The following FSTL5 variants were observed in gnomAD, a reference collection of about 807,000 sequenced individuals.
FSTL5 encodes the protein follistatin like 5.
FSTL5 carries 62 observed loss-of-function variants against 89.1 expected under a neutral mutation model. The observed-to-expected ratio is 0.70, with a 90% confidence interval of 0.57 to 0.86. FSTL5 has a LOEUF of 0.86. FSTL5 is among the 40% of genes least tolerant of loss of function. FSTL5 has a pLI of 0.00. For missense variants in FSTL5, 1,057 were observed against 1,001.6 expected (o/e 1.06, Z -0.75); for synonymous variants, 383 against 346.2 (o/e 1.11, Z -1.18).
At chr4:162,070,630 T>C (rs911599416) in intron 2 of FSTL5, among the ~76,000 whole-genome samples, 3 of 151,890 alleles carry the variant, frequency 2.0e-5, no homozygotes, top group African/African-American at 7.2e-5. Flanking sequence ...ATGTATATTC[T>C]TGGCACCTTT....
chr4:161,919,649 C>A (rs1202583162), intron 4 of FSTL5, among the ~76,000 whole-genome samples: 2 of 152,138 alleles, frequency 1.3e-5, no homozygotes, highest in African/African-American at 2.4e-5. Context: ...GGAAGTTCTA[C>A]ACATTTAACT....
chr4:162,000,163 G>T (rs1483789898), intron 3 of FSTL5, among the ~76,000 whole-genome samples: 1 of 152,148 alleles, frequency 6.6e-6, no homozygotes, highest in East Asian at 1.9e-4. Flanking sequence ...CAAAGACACA[G>T]GTGTCCATAA....
chr4:161,445,376 A>C (rs2126377783), intron 15 of FSTL5, among the ~76,000 whole-genome samples: 1 of 151,998 alleles, frequency 6.6e-6, no homozygotes, highest in South Asian at 2.1e-4. Flanking sequence ...CCATAATAAA[A>C]AAGTTAATCT....
chr4:161,457,674 T>C (rs1733407733), intron 14 of FSTL5, among the ~76,000 whole-genome samples: 1 of 152,098 alleles, frequency 6.6e-6, no homozygotes, highest in South Asian at 2.1e-4. Flanking sequence ...AATTAAACTT[T>C]TATGTTATAC....
At chr4:161,657,949 T>C (rs1736575114) in intron 6 of FSTL5, among the ~76,000 whole-genome samples, 1 of 152,202 alleles carries the variant, frequency 6.6e-6, no homozygotes, top group Admixed American at 6.5e-5. Context: ...ATCATTGTTT[T>C]GTGTTGTCCA....
chr4:161,561,224 T>C (rs1487854543), intron 8 of FSTL5, among the ~76,000 whole-genome samples: 3 of 151,952 alleles, frequency 2.0e-5, no homozygotes, highest in African/African-American at 7.2e-5. Context: ...GATACATAGA[T>C]AGATAGATGA....
chr4:161,500,751 A>G (rs2126484964), intron 11 of FSTL5, among the ~76,000 whole-genome samples: 1 of 152,270 alleles, frequency 6.6e-6, no homozygotes, highest in East Asian at 1.9e-4. Flanking sequence ...ATCTTAATTT[A>G]ATGTTTAAAT....
At chr4:161,973,092 G>A (rs996524158) in intron 3 of FSTL5, among the ~76,000 whole-genome samples, 1 of 152,078 alleles carries the variant, frequency 6.6e-6, no homozygotes, top group African/African-American at 2.4e-5. Context: ...TCTCCTTAGG[G>A]AGTGTTTTTC....
intron 3 of FSTL5, among the ~76,000 whole-genome samples, chr4:161,965,951 G>A (rs1735314386): frequency 6.6e-6 from 1 of 152,056 alleles, no homozygotes; most frequent in African/African-American, 2.4e-5. Context: ...TGACTATCCA[G>A]GTAAGATAGA....
At chr4:161,795,053 C>T (rs190325692) in intron 4 of FSTL5, among the ~76,000 whole-genome samples, 73 of 151,714 alleles carry the variant, frequency 4.8e-4, no homozygotes, top group Middle Eastern at 3.4e-3. Flanking sequence ...GAGTGCCAGG[C>T]GCCTATTTTC....
chr4:161,899,071 T>A (rs953523218), intron 4 of FSTL5, among the ~76,000 whole-genome samples: 2 of 152,070 alleles, frequency 1.3e-5, no homozygotes, highest in Non-Finnish European at 1.5e-5. Context: ...AACTCCATCA[T>A]CAATATTTGA....
intron 1 of FSTL5, among the ~76,000 whole-genome samples, chr4:162,135,903 C>T (rs1732502526): frequency 6.6e-6 from 1 of 151,938 alleles, no homozygotes; most frequent in Non-Finnish European, 1.5e-5. Context: ...TTCTTTTGTT[C>T]TCTATACACA....
Position 162,118,268 on chromosome 4 carries a change from CTT to C in FSTL5, c.-16-6858_-16-6857del, listed in dbSNP as rs10706391. 1.8e-3 allele frequency among the ~76,000 whole-genome samples: 264 copies of C among 147,898 alleles called. 1 individual carries two copies. The highest frequency in any genetic ancestry group is 3.4e-3 in the Middle Eastern group (1 of 290). On this transcript the variant is annotated intron_variant, in intron 1 of 15. Transcript: ENST00000306100. ...TAGGAAAAAGCATTCTCCAAAGAGTCTTTTTTTTTTTTGACGGAATCTCGCTC... is the reference window on the plus strand; with the variant it reads ...TAGGAAAAAGCATTCTCCAAAGAGTCTTTTTTTTTTGACGGAATCTCGCTC...
At chr4:162,005,822 A>G (rs1273074077) in intron 3 of FSTL5, among the ~76,000 whole-genome samples, 1 of 152,148 alleles carries the variant, frequency 6.6e-6, no homozygotes, top group Admixed American at 6.5e-5. Context: ...AAACAGACTC[A>G]GGAACTTTCC....
At chr4:161,513,330 G>A (rs1730716716) in intron 10 of FSTL5, among the ~76,000 whole-genome samples, 2 of 141,728 alleles carry the variant, frequency 1.4e-5, no homozygotes, top group South Asian at 2.4e-4. Context: ...AGGAGGAGGA[G>A]GAGGAGAAAG....
At chr4:161,800,998 C>A (rs1579102188) in intron 4 of FSTL5, among the ~76,000 whole-genome samples, 1 of 151,414 alleles carries the variant, frequency 6.6e-6, no homozygotes, top group East Asian at 1.9e-4. Flanking sequence ...TACTAGGAAC[C>A]ATGACAAAAT....
At chr4:161,903,346 C>G (rs1393271780) in intron 4 of FSTL5, among the ~76,000 whole-genome samples, 1 of 151,574 alleles carries the variant, frequency 6.6e-6, no homozygotes, top group African/African-American at 2.4e-5. Flanking sequence ...TTCTTTAGTC[C>G]CTATCAAAAA....
At chr4:161,624,248 A>G (rs1735235354) in intron 7 of FSTL5, among the ~76,000 whole-genome samples, 1 of 152,026 alleles carries the variant, frequency 6.6e-6, no homozygotes, top group African/African-American at 2.4e-5. Context: ...AATTTCTTAT[A>G]TCATAGAAAT....
chr4:161,778,546 G>T (rs1025582901), intron 4 of FSTL5, among the ~76,000 whole-genome samples: 1 of 152,166 alleles, frequency 6.6e-6, no homozygotes, highest in African/African-American at 2.4e-5. Flanking sequence ...AGAGATGATA[G>T]ACTGTCTTTA....
Sources: gnomAD v4.1 joint callset for allele counts (sites outside exome capture counted in the v4.1 genomes callset) on GRCh38, gnomAD v4.1.1 for gene constraint, MANE v1.5 for transcripts, NCBI Gene and HGNC (gene_info 2026-07-23, HGNC 2026-07-21) for gene names.